The following CCSER1 variants were observed in gnomAD, a reference collection of about 807,000 sequenced individuals.
CCSER1 encodes coiled-coil serine rich protein 1, also known as serine-rich coiled-coil domain-containing protein 1.
CCSER1 carries 41 observed loss-of-function variants against 82.0 expected under a neutral mutation model. The ratio of observed to expected loss-of-function variants is 0.50; its 90% confidence interval spans 0.39 to 0.65. The LOEUF is 0.65. Among genes scored for constraint, CCSER1 ranks in the 30% least tolerant of loss-of-function variants. CCSER1 has a pLI of 0.00. For synonymous variants in CCSER1, 414 were observed against 383.9 expected (o/e 1.08, Z -0.92); for missense variants, 1,119 against 1,064.2 (o/e 1.05, Z -0.72).
At chr4:91,390,579 A>G (rs1041645851) in intron 10 of CCSER1, among the ~76,000 whole-genome samples, 4 of 151,798 alleles carry the variant, frequency 2.6e-5, no homozygotes, top group African/African-American at 7.2e-5. Context: ...CCTAGAACTT[A>G]AAGTATTTTA....
At chr4:90,802,585 G>A (rs1225508696) in intron 7 of CCSER1, among the ~76,000 whole-genome samples, 1 of 151,950 alleles carries the variant, frequency 6.6e-6, no homozygotes, top group East Asian at 1.9e-4. Flanking sequence ...ATGCTGAAAT[G>A]ATATATAAAA....
At chr4:91,515,461 G>T (rs1383030075) in intron 10 of CCSER1, among the ~76,000 whole-genome samples, 5 of 152,054 alleles carry the variant, frequency 3.3e-5, no homozygotes, top group African/African-American at 1.2e-4. Flanking sequence ...GGCAGTATTT[G>T]GTTCTGTTCC....
At chr4:90,500,792 A>G (rs1020806517) in intron 5 of CCSER1, among the ~76,000 whole-genome samples, 1 of 152,132 alleles carries the variant, frequency 6.6e-6, no homozygotes, top group East Asian at 1.9e-4. Flanking sequence ...TCTGGTGGCA[A>G]TGTGCTATGT....
intron 10 of CCSER1, among the ~76,000 whole-genome samples, chr4:91,456,953 A>G (rs961999717): frequency 3.3e-5 from 5 of 152,114 alleles, no homozygotes; most frequent in African/African-American, 1.2e-4. Context: ...CGTGTCATAT[A>G]CCTGTATCAT....
At chr4:90,293,489 A>T (rs937244166) in intron 1 of CCSER1, among the ~76,000 whole-genome samples, 3 of 151,444 alleles carry the variant, frequency 2.0e-5, no homozygotes, top group Admixed American at 2.0e-4. Context: ...TAAGAGTTAG[A>T]ATAAAAAATT....
intron 9 of CCSER1, among the ~76,000 whole-genome samples, chr4:91,036,170 A>C (rs1741416412): frequency 6.6e-6 from 1 of 152,204 alleles, no homozygotes; most frequent in Admixed American, 6.5e-5. Flanking sequence ...AGACAATTTC[A>C]AGAAACAAAA....
At chr4:90,280,973 A>G (rs1319582809) in intron 1 of CCSER1, among the ~76,000 whole-genome samples, 3 of 152,034 alleles carry the variant, frequency 2.0e-5, no homozygotes, top group Non-Finnish European at 4.4e-5. Context: ...AAATAGGCCA[A>G]AAACATTTGA....
At chr4:91,150,685 A>T (rs946927600) in intron 10 of CCSER1, among the ~76,000 whole-genome samples, 1 of 152,190 alleles carries the variant, frequency 6.6e-6, no homozygotes, top group Non-Finnish European at 1.5e-5. Context: ...GAGAGTTTTT[A>T]GCATGAAGGG....
chr4:90,964,731 CAAAAAAA>C (rs71596540), intron 9 of CCSER1, among the ~76,000 whole-genome samples: 1 of 77,634 alleles, frequency 1.3e-5, no homozygotes, highest in Non-Finnish European at 2.2e-5. Flanking sequence ...ACTCTGTCTC[CAAAAAAA>C]AAAAAAAAAA....
intron 9 of CCSER1, among the ~76,000 whole-genome samples, chr4:90,943,729 ATTTTTTTTTTTT>A (rs70965460): frequency 1.2e-3 from 82 of 68,888 alleles, no homozygotes; most frequent in Non-Finnish European, 1.7e-3. Flanking sequence ...TGCCAGGCTA[ATTTTTTTTTTTT>A]TTTTTTTTTT....
chr4:90,141,898 T>C (rs1186903381), intron 1 of CCSER1, among the ~76,000 whole-genome samples: 7 of 152,234 alleles, frequency 4.6e-5, no homozygotes, highest in South Asian at 2.1e-4. Context: ...TGACTATGCA[T>C]ACATTTATTT....
chr4:90,920,440 C>A (rs1728209401), intron 8 of CCSER1, among the ~76,000 whole-genome samples: 1 of 151,948 alleles, frequency 6.6e-6, no homozygotes, highest in Non-Finnish European at 1.5e-5. Flanking sequence ...TCCCTTTAGG[C>A]AATTTTGAAG....
intron 4 of CCSER1, among the ~76,000 whole-genome samples, chr4:90,428,925 C>G (rs1757890278): frequency 6.6e-6 from 1 of 151,668 alleles, no homozygotes; most frequent in South Asian, 2.1e-4. Context: ...TGGCTGACAT[C>G]CTGGAATAGC....
At chr4:90,530,933 A>G (rs1403826382) in intron 5 of CCSER1, among the ~76,000 whole-genome samples, 2 of 152,196 alleles carry the variant, frequency 1.3e-5, no homozygotes. Context: ...TCCTTATCAG[A>G]AGAAAAATTA....
intron 3 of CCSER1, among the ~76,000 whole-genome samples, chr4:90,354,213 G>T (rs115277480): frequency 0.013 from 2,055 of 152,252 alleles, 43 homozygotes; most frequent in African/African-American, 0.046. Context: ...GCTACTATAT[G>T]ATCTCACTTA....
intron 6 of CCSER1, among the ~76,000 whole-genome samples, chr4:90,722,070 TGGGAGACCTC>T (rs1245659461): frequency 2.0e-5 from 3 of 151,872 alleles, no homozygotes; most frequent in Admixed American, 2.0e-4. Context: ...TGGAAAGTTG[TGGGAGACCTC>T]AATCTTTAAA....
At chr4:91,564,224 G>A (rs956615801) in intron 10 of CCSER1, among the ~76,000 whole-genome samples, 1 of 151,488 alleles carries the variant, frequency 6.6e-6, no homozygotes, top group Admixed American at 6.6e-5. Context: ...ACATAATCTC[G>A]TTCTTTTTTT....
chr4:90,809,046 G>A (rs1170262039), intron 7 of CCSER1, among the ~76,000 whole-genome samples: 3 of 152,036 alleles, frequency 2.0e-5, no homozygotes, highest in South Asian at 2.1e-4. Context: ...AGTCAGGCAC[G>A]GTGGCTGATG....
At chr4:91,142,251 C>T (rs1297887246) in intron 10 of CCSER1, among the ~76,000 whole-genome samples, 1 of 152,152 alleles carries the variant, frequency 6.6e-6, no homozygotes, top group East Asian at 1.9e-4. Flanking sequence ...TTCCCCTGAA[C>T]AAGCTCTCTC....
Sources: gnomAD v4.1 joint callset for allele counts (sites outside exome capture counted in the v4.1 genomes callset) on GRCh38, gnomAD v4.1.1 for gene constraint, MANE v1.5 for transcripts, NCBI Gene and HGNC (gene_info 2026-07-23, HGNC 2026-07-21) for gene names.